SLC36A3: variants seen among roughly 807,000 people sequenced by gnomAD.
The protein encoded by SLC36A3 is solute carrier family 36 member 3, also known as proton-coupled amino acid transporter 3.
SLC36A3 carries 35 observed loss-of-function variants against 44.3 expected under a neutral mutation model. The ratio of observed to expected loss-of-function variants is 0.79; its 90% CI spans 0.60 to 1.05. The LOEUF (loss-of-function observed/expected upper bound fraction) is 1.05, where lower values mean the gene tolerates loss of function less well. Among genes scored for constraint, SLC36A3 ranks in the 50% least tolerant of loss-of-function variants. The pLI is 0.00. For synonymous variants in SLC36A3, 211 were observed against 227.6 expected (o/e 0.93, Z 0.66); for missense variants, 540 against 578.7 (o/e 0.93, Z 0.69).
rs1218995532 is a variant in SLC36A3 at position 151,283,943 on chromosome 5, G to A, written c.974+101C>T. The A allele has an allele frequency of 5.0e-6, 7 of 1,406,418 alleles. No homozygotes were observed. In the African/African-American group the frequency reaches 1.0e-4, roughly 20 times the overall value. The allele number at this position is 1,406,418 out of a possible 1,614,324, so 87.1% of individuals were successfully genotyped here. On this transcript the variant is annotated intron_variant, in intron 8 of 9. Coordinates refer to ENST00000335230, the MANE Select transcript of SLC36A3 (RefSeq NM_181774.4). ...GAGACATATGTCACTTCCAGTGATG[G>A]ATTACCAGCTTCATGGCTCAGCTTT... is the stretch of plus-strand genomic sequence containing the variant.
At chr5:151,285,395 C>T (rs956218004) in intron 6 of SLC36A3, among the ~76,000 whole-genome samples, 1 of 152,188 alleles carries the variant, frequency 6.6e-6, no homozygotes, top group Non-Finnish European at 1.5e-5. Flanking sequence ...TGCCCAAGGT[C>T]ACTATGCAAG....
chr5:151,303,155 G>T, intron 1 of SLC36A3, 72 bp downstream of exon 1: 1 of 1,531,320 alleles, frequency 6.5e-7, no homozygotes, highest in Non-Finnish European at 8.8e-7. Context: ...ATAGATGAAG[G>T]AAGACATAGT....
chr5:151,279,220 AC>A (rs1029085477), intron 9 of SLC36A3, among the ~76,000 whole-genome samples: 8 of 152,014 alleles, frequency 5.3e-5, no homozygotes, highest in Non-Finnish European at 8.8e-5. Flanking sequence ...GAGTTATAGG[AC>A]CCCCTTATGT....
intron 2 of SLC36A3, chr5:151,298,056 G>A (rs572024141): frequency 6.6e-6 from 1 of 152,392 alleles, no homozygotes; most frequent in East Asian, 1.9e-4. Context: ...TACAAAGTGA[G>A]GATGGCATTA....
At chr5:151,291,964 G>A (rs1355003566) in intron 4 of SLC36A3, among the ~76,000 whole-genome samples, 3 of 151,616 alleles carry the variant, frequency 2.0e-5, no homozygotes, top group Non-Finnish European at 2.9e-5. Context: ...GAGTTCAAGC[G>A]ATTCTCCTGC....
intron 6 of SLC36A3, 48 bp from the exon 7 acceptor site, chr5:151,284,759 T>G: frequency 2.7e-6 from 4 of 1,458,896 alleles, no homozygotes; most frequent in Non-Finnish European, 3.8e-6. Flanking sequence ...GGTGTCGAAG[T>G]CATCCCAAAT....
In SLC36A3 at chr5:151,281,106, T is replaced by G; in HGVS notation, c.1052A>C (p.Glu351Ala). 6.2e-7 allele frequency: 1 copy of G among 1,614,172 alleles called. No individual in the cohort carries two copies. The highest frequency in any genetic ancestry group is 8.5e-7 in the Non-Finnish European group (1 of 1,180,018). The part of the protein sequence containing the change: ...TYALQFHVPA[E>A]IIIPFAISQV... ...GGAGATGGCAAACGGGATGATGATC[T>G]CAGCTGGGACGTGGAACTGGAGGGC... Residue 351 changes from glutamate (E) to alanine (A), a missense_variant, in exon 9 of 10, where the codon GAG becomes GCG. Transcript: ENST00000335230.
chr5:151,284,852 C>T (rs1754473680), intron 6 of SLC36A3, 141 bp from the exon 7 acceptor site: 2 of 527,268 alleles, frequency 3.8e-6, no homozygotes, highest in Non-Finnish European at 6.9e-6. Flanking sequence ...GCCTTCTAAT[C>T]TTTTAAATAT....
rs202092464 is a variant in SLC36A3 at position 151,296,186 on chromosome 5, C to T, written c.302G>A (p.Ser101Asn). The T allele has an allele frequency of 8.7e-6, 14 of 1,614,120 alleles. No individual in the cohort carries two copies. In the Admixed American group the frequency reaches 2.0e-4, roughly 23 times the overall value. ...AGAGAAGCAGGCCTCTGACCTCTGG[C>T]TGAGGTGTTGAGCACAGTTCAACAG... ...VILLNCAQHL[S>N]QRLQKTFVNY... is the part of the protein sequence containing the mutation. Residue 101 changes from serine (S) to asparagine (N), a missense_variant, in exon 3 of 10, where the codon AGC becomes AAC. Physicochemically the swap from Ser to Asn is conservative, Grantham distance 46. Transcript: ENST00000335230.
intron 1 of SLC36A3, 135 bp downstream of exon 1, chr5:151,303,092 G>T (rs1755219777): frequency 8.5e-7 from 1 of 1,170,230 alleles, no homozygotes; most frequent in Non-Finnish European, 1.1e-6. Context: ...GATTCTGAAG[G>T]TTTCATCTTT....
At chr5:151,290,691 C>T (rs1010916325) in intron 4 of SLC36A3, among the ~76,000 whole-genome samples, 2 of 152,040 alleles carry the variant, frequency 1.3e-5, no homozygotes, top group Admixed American at 6.6e-5. Flanking sequence ...GTCAGGAGAT[C>T]GAGACCATCC....
intron 6 of SLC36A3, among the ~76,000 whole-genome samples, chr5:151,286,018 A>T (rs1182670598): frequency 5.9e-5 from 9 of 152,232 alleles, no homozygotes; most frequent in Non-Finnish European, 1.2e-4. Context: ...CAGCAGCAAT[A>T]TGAAATGAAT....
Position 151,295,725 on chromosome 5 carries a change from T to C in SLC36A3, c.308+455A>G, listed in dbSNP as rs112527034. The stretch of plus-strand genomic sequence containing the variant: ...TATGCTTTGATAATGACTGAAATCA[T>C]TGTGAAGACTTCTTTTCAGTAAGTA... On this transcript the variant is annotated intron_variant, in intron 3 of 9. Transcript: ENST00000335230. 2.4e-3 allele frequency among the ~76,000 whole-genome samples: 370 copies of C among 152,338 alleles called. 2 individuals carry two copies. The highest frequency in any genetic ancestry group is 8.0e-3 in the African/African-American group (332 of 41,574).
chr5:151,290,453 T>G (rs191244618), intron 4 of SLC36A3, among the ~76,000 whole-genome samples: 1 of 152,350 alleles, frequency 6.6e-6, no homozygotes, highest in East Asian at 1.9e-4. Context: ...TTAACGAGAA[T>G]AATTTCATGA....
chr5:151,282,818 G>A (rs997972590), intron 8 of SLC36A3, among the ~76,000 whole-genome samples: 3 of 151,942 alleles, frequency 2.0e-5, no homozygotes, highest in Non-Finnish European at 2.9e-5. Context: ...ACAGTGTGTC[G>A]ATGCATGCAT....
rs1291727333 is a variant in SLC36A3, at chr5:151,277,284, C to T, written c.*109G>A. ...CATTTCTCTTGGAAAGATAAAGACG[C>T]CACTAATTAATATAGAGATGTTGGG... is the stretch of plus-strand genomic sequence containing the variant. On this transcript the variant is annotated 3_prime_UTR_variant, in exon 10 of 10. Transcript: ENST00000335230. 5 of 1,386,554 alleles carry T rather than the reference C, an allele frequency of 3.6e-6. No individual in the cohort carries two copies. The highest frequency in any genetic ancestry group is 1.4e-5 in the African/African-American group (1 of 69,164). 85.9% of individuals were successfully genotyped at this position (1,386,554 alleles called of 1,614,324 possible).
rs137910049 is a variant in SLC36A3 at position 151,287,413 on chromosome 5, G to T, written c.541C>A (p.Leu181Met). The change falls in exon 6 of 10, where the codon CTG becomes ATG. Residue 181 changes from leucine (L) to methionine (M), a missense_variant. By Grantham distance (15) the Leu-to-Met change is conservative. Transcript: ENST00000335230. ...ATGTCCAGGATGGGGGTCAGCGTCA[G>T]AATCTCCCTGGGCTGGCAGATGTTG... is the stretch of plus-strand genomic sequence containing the variant. ...TSNICQPREI[L>M]TLTPILDIRF... The T allele has an allele frequency of 2.9e-4, 472 of 1,614,100 alleles. No individual in the cohort carries two copies. Among genetic ancestry groups the T allele is most frequent in the Non-Finnish European group, 3.7e-4 (441 of 1,179,982 alleles).
At chr5:151,283,133 G>C (rs1472113741) in intron 8 of SLC36A3, among the ~76,000 whole-genome samples, 1 of 152,162 alleles carries the variant, frequency 6.6e-6, no homozygotes, top group Non-Finnish European at 1.5e-5. Context: ...TGATCCACCC[G>C]CCTCAGCCTC....
chr5:151,283,271 C>A (rs1727184847), intron 8 of SLC36A3, among the ~76,000 whole-genome samples: 1 of 152,094 alleles, frequency 6.6e-6, no homozygotes, highest in Admixed American at 6.6e-5. Context: ...CTGCCCTTTG[C>A]CCATTTCTCA....
Sources: gnomAD v4.1 joint callset for allele counts (sites outside exome capture counted in the v4.1 genomes callset) on GRCh38, gnomAD v4.1.1 for gene constraint, MANE v1.5 for transcripts, NCBI Gene and HGNC (gene_info 2026-07-23, HGNC 2026-07-21) for gene names.